MINDY3: variants seen among roughly 807,000 people sequenced by gnomAD.
The protein encoded by MINDY3 is ubiquitin carboxyl-terminal hydrolase MINDY-3.
Under a neutral mutation model 69.2 loss-of-function variants are expected in MINDY3, and 38 were observed. That is an observed-to-expected ratio of 0.55 (90% CI 0.42 to 0.72). MINDY3 has a LOEUF of 0.72. MINDY3 is among the 30% of genes least tolerant of loss of function. The pLI, the probability that MINDY3 is intolerant of heterozygous loss-of-function variation, is 0.00. For missense variants in MINDY3, 522 were observed against 519.0 expected, an observed-to-expected ratio of 1.01 and a Z score of -0.06; for synonymous variants, 192 against 180.1, an observed-to-expected ratio of 1.07 and a Z score of -0.53.
At chr10:15,832,093 C>T (rs1182326598) in intron 8 of MINDY3, among the ~76,000 whole-genome samples, 2 of 152,086 alleles carry the variant, frequency 1.3e-5, no homozygotes, top group Non-Finnish European at 2.9e-5. Flanking sequence ...GAAGAGTATT[C>T]TGGTTTGGGG....
intron 8 of MINDY3, among the ~76,000 whole-genome samples, chr10:15,832,028 A>G (rs993936284): frequency 6.6e-6 from 1 of 152,104 alleles, no homozygotes; most frequent in Non-Finnish European, 1.5e-5. Flanking sequence ...CTGCCAATGA[A>G]AGTTATCTCA....
At chr10:15,858,089 CAAAT>C (rs1834823541) in intron 1 of MINDY3, 1 of 180,114 alleles carries the variant, frequency 5.6e-6, no homozygotes, top group Non-Finnish European at 1.1e-5. Flanking sequence ...AAAGAACAAA[CAAAT>C]GAATACAACA....
At chr10:15,779,373 A>C (rs112160214) in intron 14 of MINDY3, among the ~76,000 whole-genome samples, 1 of 152,200 alleles carries the variant, frequency 6.6e-6, no homozygotes, top group Non-Finnish European at 1.5e-5. Context: ...TTTTTAAAAA[A>C]TTCAAGATCA....
chr10:15,860,185 G>C (rs1293722014), intron 1 of MINDY3, 21 bp downstream of exon 1: 3 of 1,577,020 alleles, frequency 1.9e-6, no homozygotes, highest in African/African-American at 1.3e-5. Flanking sequence ...GGCTGCAAGT[G>C]TGAGAGCCCC....
intron 13 of MINDY3, among the ~76,000 whole-genome samples, chr10:15,782,844 T>G (rs958975263): frequency 6.6e-6 from 1 of 152,194 alleles, no homozygotes; most frequent in African/African-American, 2.4e-5. Flanking sequence ...CAGAGTAAGC[T>G]TGTAGAAAAA....
chr10:15,825,191 C>G (rs1473624194), intron 8 of MINDY3, among the ~76,000 whole-genome samples: 13 of 152,008 alleles, frequency 8.6e-5, no homozygotes, highest in Admixed American at 8.5e-4. Context: ...ATGTTCATTA[C>G]AGCATTTTGG....
chr10:15,821,434 G>A (rs72781879), intron 9 of MINDY3, among the ~76,000 whole-genome samples: 1 of 151,838 alleles, frequency 6.6e-6, no homozygotes, highest in African/African-American at 2.4e-5. Flanking sequence ...CCCCTCCTCC[G>A]ACAAAAATAA....
At chr10:15,852,134 AC>A (rs1278626332) in intron 1 of MINDY3, among the ~76,000 whole-genome samples, 3 of 152,166 alleles carry the variant, frequency 2.0e-5, no homozygotes, top group Admixed American at 6.5e-5. Flanking sequence ...ACCAGTACTT[AC>A]CATAATCTGT....
intron 3 of MINDY3, among the ~76,000 whole-genome samples, chr10:15,842,381 T>C (rs932333703): frequency 5.3e-5 from 8 of 151,976 alleles, no homozygotes; most frequent in African/African-American, 1.9e-4. Flanking sequence ...AAATGTTTTA[T>C]CAAAGTGAAT....
chr10:15,850,971 G>A (rs540723435), intron 1 of MINDY3, among the ~76,000 whole-genome samples: 8 of 152,098 alleles, frequency 5.3e-5, no homozygotes, highest in African/African-American at 1.9e-4. Context: ...TTGAAATATT[G>A]GGTGCTGGTT....
chr10:15,813,034 A>G (rs144087874), intron 10 of MINDY3, among the ~76,000 whole-genome samples: 313 of 152,136 alleles, frequency 2.1e-3, no homozygotes, highest in East Asian at 0.012. Context: ...TTTTTTACCT[A>G]TTCCCTGGGT....
intron 8 of MINDY3, among the ~76,000 whole-genome samples, chr10:15,827,072 G>A (rs1226979593): frequency 6.7e-6 from 1 of 150,016 alleles, no homozygotes; most frequent in African/African-American, 2.5e-5. Flanking sequence ...AGCTATGACT[G>A]CACTACTGCA....
At chr10:15,814,553 T>C (rs1475450582) in intron 10 of MINDY3, among the ~76,000 whole-genome samples, 1 of 151,716 alleles carries the variant, frequency 6.6e-6, no homozygotes, top group African/African-American at 2.4e-5. Context: ...ATTCAAGAGT[T>C]CTACACCCAC....
chr10:15,793,249 G>C (rs188147826), intron 11 of MINDY3, among the ~76,000 whole-genome samples: 106 of 152,168 alleles, frequency 7.0e-4, no homozygotes, highest in African/African-American at 2.5e-3. Flanking sequence ...ACTTTGAATA[G>C]ACCTGATAAC....
At chr10:15,784,749 A>G (rs1012110902) in intron 13 of MINDY3, among the ~76,000 whole-genome samples, 1 of 152,154 alleles carries the variant, frequency 6.6e-6, no homozygotes, top group African/African-American at 2.4e-5. Flanking sequence ...ATAAATAAAT[A>G]GTTTACGGAA....
At chr10:15,858,227 A>G (rs750283225) in intron 1 of MINDY3, among the ~76,000 whole-genome samples, 1 of 152,222 alleles carries the variant, frequency 6.6e-6, no homozygotes, top group Non-Finnish European at 1.5e-5. Context: ...TATCCAAAAT[A>G]TAACTAACTG....
chr10:15,814,745 G>A (rs1839239890), intron 10 of MINDY3, among the ~76,000 whole-genome samples: 1 of 152,120 alleles, frequency 6.6e-6, no homozygotes, highest in Non-Finnish European at 1.5e-5. Flanking sequence ...TGTGCTGTTT[G>A]ACACATGCGA....
chr10:15,816,794 C>T (rs2131980151), intron 10 of MINDY3, 41 bp downstream of exon 10: 1 of 1,323,536 alleles, frequency 7.6e-7, no homozygotes, highest in African/African-American at 1.5e-5. Context: ...ACTTGTTTGC[C>T]TGATGTCATA....
In MINDY3 at chr10:15,837,212, G is replaced by A. The variant is rs1267920985; in HGVS notation, c.568C>T (p.Leu190=). 1.1e-5 allele frequency: 18 copies of A among 1,578,090 alleles called. No homozygotes were observed. In the East Asian group the frequency reaches 3.2e-4, roughly 28 times the overall value. The stretch of plus-strand genomic sequence containing the variant: ...CATCTTCTTGAACACACCTTTGTCA[G>A]TAATACAGAATACAGAAAAAGCAAT... ...GVLLFLYSVL[L]TKGIENIKNE... The change falls in exon 6 of 15, where the codon CTG becomes TTG. Residue 190 remains leucine, a synonymous_variant. Coordinates refer to ENST00000277632, the MANE Select transcript of MINDY3 (RefSeq NM_024948.4).
Sources: gnomAD v4.1 joint callset for allele counts (sites outside exome capture counted in the v4.1 genomes callset) on GRCh38, gnomAD v4.1.1 for gene constraint, MANE v1.5 for transcripts, NCBI Gene and HGNC (gene_info 2026-07-23, HGNC 2026-07-21) for gene names.